Variants in TSPAN8 observed in about 807,000 individuals in gnomAD.
TSPAN8 encodes tetraspanin 8.
Under a neutral mutation model 32.8 loss-of-function variants are expected in TSPAN8, and 21 were observed. The ratio of observed to expected loss-of-function variants is 0.64; its 90% CI spans 0.45 to 0.92. TSPAN8 has a LOEUF of 0.92. Ranked by LOEUF, TSPAN8 falls within the 40% of genes least tolerant of loss-of-function variation. The pLI, the probability that TSPAN8 is intolerant of heterozygous loss-of-function variation, is 0.00. For missense variants in TSPAN8, 269 were observed against 281.9 expected (o/e 0.95, Z 0.33); for synonymous variants, 95 against 94.6 (o/e 1.00, Z -0.03).
At chr12:71,137,605 A>G (rs111376757) in intron 6 of TSPAN8, among the ~76,000 whole-genome samples, 7 of 14,902 alleles carry the variant, frequency 4.7e-4, no homozygotes, top group Non-Finnish European at 2.3e-3. Flanking sequence ...GTCCCCCCCC[A>G]AAAAAAAGGG....
chr12:71,135,327 GGAGAA>G (rs1871657985), intron 6 of TSPAN8, among the ~76,000 whole-genome samples: 1 of 142,260 alleles, frequency 7.0e-6, no homozygotes, highest in Non-Finnish European at 1.5e-5. Flanking sequence ...ACAGGGAAGA[GGAGAA>G]GGAGGAGGAG....
Position 71,138,182 on chromosome 12 carries a change from T to A in TSPAN8, c.310A>T (p.Ile104Phe), listed in dbSNP as rs1565785530. 2 of 1,613,746 alleles carry A rather than the reference T, an allele frequency of 1.2e-6. No homozygotes were observed. The highest frequency in any genetic ancestry group is 1.7e-6 in the Non-Finnish European group (2 of 1,179,820). ...TTAGATTTGAAAACAGCTCCTAGGA[T>A]ACCTGTCGCCACCTGCAGGAGCAGG... is the stretch of plus-strand genomic sequence containing the variant. ...LILLLQVATG[I>F]LGAVFKSKSD... The change falls in exon 5 of 9, where the codon ATC (isoleucine) becomes TTC (phenylalanine). Residue 104 changes from isoleucine to phenylalanine, a missense_variant. Physicochemically the swap from Ile to Phe is conservative, Grantham distance 21. Transcript: ENST00000247829.
In TSPAN8 at chr12:71,156,272, A is replaced by C. The variant is rs1326384379; in HGVS notation, c.60+1347T>G. 9.4e-4 allele frequency among the ~76,000 whole-genome samples: 40 copies of C among 42,382 alleles called. 1 individual carries two copies. Among genetic ancestry groups the C allele is most frequent in the African/African-American group, 3.3e-3 (40 of 12,140 alleles). 27.8% of individuals were successfully genotyped at this position (42,382 alleles called of 152,430 possible). The stretch of plus-strand genomic sequence containing the variant: ...CTCCAAAAAAAAAAAAAAAAAACAA[A>C]CAAAAAAAAAACTAGAAACAAAACA... On this transcript the variant is annotated intron_variant, in intron 2 of 8. Coordinates refer to ENST00000247829, the MANE Select transcript of TSPAN8 (RefSeq NM_004616.3).
At chr12:71,143,552 T>C (rs1871977001) in intron 3 of TSPAN8, among the ~76,000 whole-genome samples, 1 of 152,166 alleles carries the variant, frequency 6.6e-6, no homozygotes, top group Non-Finnish European at 1.5e-5. Flanking sequence ...ATAGCAATAA[T>C]CTGGACATCC....
At chr12:71,138,378 A>C in intron 4 of TSPAN8, 148 bp from the exon 5 acceptor site, 4 of 872,924 alleles carry the variant, frequency 4.6e-6, no homozygotes, top group Non-Finnish European at 6.8e-6. Context: ...TTTTTACTTC[A>C]AGCTGAAAAT....
At chr12:71,147,062 C>A (rs1872099353) in intron 2 of TSPAN8, among the ~76,000 whole-genome samples, 1 of 152,026 alleles carries the variant, frequency 6.6e-6, no homozygotes, top group African/African-American at 2.4e-5. Flanking sequence ...TTGGCTGGCA[C>A]CTTAATCTTA....
rs918871714 is a variant in TSPAN8, at chr12:71,131,685, G to A, written c.576+1008C>T. On this transcript the variant is annotated intron_variant, in intron 7 of 8. Coordinates refer to ENST00000247829, the MANE Select transcript of TSPAN8 (RefSeq NM_004616.3). ...GTCTGTCTGACATGTAGTAGGCACT[G>A]AAGAATAACAGTAAATAAATGAAAT... is the stretch of plus-strand genomic sequence containing the variant. 3.1e-5 allele frequency among the ~76,000 whole-genome samples: 2 copies of A among 64,808 alleles called. 1 individual carries two copies. The highest frequency in any genetic ancestry group is 1.1e-3 in the South Asian group (2 of 1,778). 42.5% of individuals were successfully genotyped at this position (64,808 alleles called of 152,430 possible).
chr12:71,154,694 G>A (rs1373128241), intron 2 of TSPAN8, among the ~76,000 whole-genome samples: 1 of 152,114 alleles, frequency 6.6e-6, no homozygotes, highest in African/African-American at 2.4e-5. Flanking sequence ...GCATTTATTA[G>A]CATATTAATA....
intron 2 of TSPAN8, among the ~76,000 whole-genome samples, chr12:71,155,880 TGC>T (rs1872410341): frequency 1.3e-5 from 2 of 151,848 alleles, no homozygotes; most frequent in Admixed American, 1.3e-4. Flanking sequence ...TACAGGGGCG[TGC>T]CACCATGCCC....
intron 6 of TSPAN8, 51 bp downstream of exon 6, chr12:71,137,900 AAC>A (rs1237832230): frequency 1.9e-5 from 29 of 1,510,124 alleles, no homozygotes; most frequent in Non-Finnish European, 2.4e-5. Flanking sequence ...AAACTAAACA[AAC>A]ACAGAAGAAC....
At chr12:71,152,704 G>A (rs1473081960) in intron 2 of TSPAN8, among the ~76,000 whole-genome samples, 1 of 152,118 alleles carries the variant, frequency 6.6e-6, no homozygotes, top group African/African-American at 2.4e-5. Flanking sequence ...ATAGGGTCAG[G>A]CAACCACTGT....
At chr12:71,139,476 TGA>T in intron 4 of TSPAN8, among the ~76,000 whole-genome samples, 1 of 152,228 alleles carries the variant, frequency 6.6e-6, no homozygotes, top group Non-Finnish European at 1.5e-5. Context: ...GTTGAATGAG[TGA>T]ATGAATGAAT....
intron 8 of TSPAN8, 139 bp downstream of exon 8, chr12:71,129,192 G>C: frequency 2.3e-6 from 2 of 880,408 alleles, no homozygotes; most frequent in Non-Finnish European, 3.3e-6. Context: ...TTAGCATCCA[G>C]TGCTTTTCTA....
Position 71,125,275 on chromosome 12 carries a change from A to G in TSPAN8, c.*59T>C, listed in dbSNP as rs1871314726. On this transcript the variant is annotated 3_prime_UTR_variant, in exon 9 of 9. Transcript: ENST00000247829. The stretch of plus-strand genomic sequence containing the variant: ...ATAGCACTTACATATTTAAATTTAC[A>G]AAGCCAAAGCAACATTTTAAAGGGG... The G allele has an allele frequency of 6.7e-7, 1 of 1,500,508 alleles. No individual in the cohort carries two copies. The highest frequency in any genetic ancestry group is 1.4e-5 in the African/African-American group (1 of 71,516). The allele number at this position is 1,500,508 out of a possible 1,614,324, so 92.9% of individuals were successfully genotyped here.
In TSPAN8 at chr12:71,138,037, A is replaced by C. The variant is rs755254152; in HGVS notation, c.360T>G (p.Thr120=). 1.2e-6 allele frequency: 2 copies of C among 1,613,916 alleles called. No individual in the cohort carries two copies. The highest frequency in any genetic ancestry group is 2.2e-5 in the South Asian group (2 of 91,012). Residue 120 remains threonine, a synonymous_variant, in exon 6 of 9, where the codon ACT becomes ACG. Coordinates refer to ENST00000247829, the MANE Select transcript of TSPAN8 (RefSeq NM_004616.3). Reference sequence around the variant, plus strand: ...TCAAAAGCTTTGTGTTTTCATAGAGAGTTTCATTCACAATGCGATCAGACT... The same window carrying C: ...TCAAAAGCTTTGTGTTTTCATAGAGCGTTTCATTCACAATGCGATCAGACT... ...KSKSDRIVNE[T]LYENTKLLSA...
intron 3 of TSPAN8, among the ~76,000 whole-genome samples, chr12:71,140,700 A>G (rs571561103): frequency 4.5e-4 from 69 of 152,312 alleles, no homozygotes; most frequent in African/African-American, 1.6e-3. Context: ...TCACCCTCAT[A>G]ACACTTAGCC....
chr12:71,126,553 A>G (rs1871354579), intron 8 of TSPAN8, among the ~76,000 whole-genome samples: 1 of 152,320 alleles, frequency 6.6e-6, no homozygotes, highest in South Asian at 2.1e-4. Flanking sequence ...CCTGAAAAGA[A>G]CATTTATGAT....
chr12:71,146,982 T>G (rs1872096985), intron 2 of TSPAN8, among the ~76,000 whole-genome samples: 1 of 152,124 alleles, frequency 6.6e-6, no homozygotes, highest in Non-Finnish European at 1.5e-5. Context: ...TCTCTACTCA[T>G]ACCCAGGGAA....
chr12:71,146,260 C>T (rs1872075171), intron 2 of TSPAN8, among the ~76,000 whole-genome samples: 1 of 152,142 alleles, frequency 6.6e-6, no homozygotes, highest in East Asian at 1.9e-4. Flanking sequence ...TTTCTTCAAA[C>T]TTCATTTTAA....
Sources: allele counts gnomAD v4.1 joint callset (sites outside exome capture counted in the v4.1 genomes callset), GRCh38; gene constraint gnomAD v4.1.1; transcripts MANE v1.5; gene names NCBI Gene and HGNC (gene_info 2026-07-23, HGNC 2026-07-21).